RBFOX1: variants seen among roughly 807,000 people sequenced by gnomAD.
The protein encoded by RBFOX1 is RNA binding protein fox-1 homolog 1.
A neutral mutation model predicts 57.7 loss-of-function variants in RBFOX1; 8 were observed. The ratio of observed to expected loss-of-function variants is 0.14; its 90% CI spans 0.08 to 0.25. RBFOX1 has a LOEUF of 0.25. Among genes scored for constraint, RBFOX1 ranks in the 10% least tolerant of loss-of-function variants. The probability of loss-of-function intolerance (pLI) is 1.00; values close to 1 mark genes in which losing one functional copy is unlikely to be tolerated. For synonymous variants in RBFOX1, 326 were observed against 222.4 expected (o/e 1.47, Z -4.15); for missense variants, 611 against 548.5 (o/e 1.11, Z -1.14).
chr16:6,338,461 A>G (rs1311599891), intron 2 of RBFOX1, among the ~76,000 whole-genome samples: 1 of 152,238 alleles, frequency 6.6e-6, no homozygotes, highest in African/African-American at 2.4e-5. Flanking sequence ...TGAATTTTTA[A>G]TAGGCAGATG....
intron 1 of RBFOX1, among the ~76,000 whole-genome samples, chr16:6,094,269 C>T (rs916925802): frequency 3.3e-5 from 5 of 152,172 alleles, no homozygotes; most frequent in African/African-American, 4.8e-5. Context: ...TTCCCTGAGC[C>T]ACCGTTCCAA....
chr16:7,323,863 C>A (rs546899078), intron 4 of RBFOX1, among the ~76,000 whole-genome samples: 2 of 152,258 alleles, frequency 1.3e-5, no homozygotes, highest in East Asian at 3.9e-4. Flanking sequence ...ACATAATTCT[C>A]AAAAAGCAGA....
At chr16:6,297,686 C>G (rs936515692) in intron 1 of RBFOX1, among the ~76,000 whole-genome samples, 1 of 151,982 alleles carries the variant, frequency 6.6e-6, no homozygotes, top group Non-Finnish European at 1.5e-5. Flanking sequence ...CTATCCTATA[C>G]CCATATAAAC....
intron 3 of RBFOX1, among the ~76,000 whole-genome samples, chr16:5,860,451 G>T (rs1308474191): frequency 6.6e-6 from 1 of 152,106 alleles, no homozygotes; most frequent in African/African-American, 2.4e-5. Context: ...GATTCAAATT[G>T]GTTCAAGAAA....
chr16:6,477,953 T>G (rs1029320283), intron 2 of RBFOX1, among the ~76,000 whole-genome samples: 48 of 151,204 alleles, frequency 3.2e-4, no homozygotes, highest in African/African-American at 1.1e-3. Context: ...AGCTTCACAC[T>G]TTTTTTTTGT....
At chr16:6,686,777 AC>A (rs2059498259) in intron 3 of RBFOX1, among the ~76,000 whole-genome samples, 1 of 152,054 alleles carries the variant, frequency 6.6e-6, no homozygotes, top group Admixed American at 6.6e-5. Flanking sequence ...CATTACACAC[AC>A]CCAACCCAGT....
At chr16:7,058,959 C>T (rs1171832628) in intron 4 of RBFOX1, among the ~76,000 whole-genome samples, 1 of 152,166 alleles carries the variant, frequency 6.6e-6, no homozygotes, top group African/African-American at 2.4e-5. Context: ...ATACTGAAAT[C>T]ATGGTACCCG....
intron 1 of RBFOX1, among the ~76,000 whole-genome samples, chr16:5,444,037 G>C (rs1035091248): frequency 5.3e-5 from 8 of 152,088 alleles, no homozygotes; most frequent in Non-Finnish European, 1.0e-4. Flanking sequence ...GCCCATTCCA[G>C]TAAATTGGTT....
At chr16:5,942,941 C>T (rs900279679) in intron 4 of RBFOX1, among the ~76,000 whole-genome samples, 10 of 152,168 alleles carry the variant, frequency 6.6e-5, no homozygotes, top group Admixed American at 2.0e-4. Context: ...GCTGAGCCTA[C>T]ACTGTCTCGG....
chr16:7,055,876 C>G (rs919137345), intron 4 of RBFOX1, among the ~76,000 whole-genome samples: 6 of 152,152 alleles, frequency 3.9e-5, no homozygotes, highest in African/African-American at 1.4e-4. Context: ...TTTCATTACT[C>G]TCTTTCATCC....
rs1359478421 is a variant in RBFOX1, at chr16:6,098,542, C to T, written c.-127+78550C>T. ...CGCTGGAATAATTCTAAGTCAAGAG[C>T]AATTAATTATAGAAGCATTAGTCCT... On this transcript the variant is annotated intron_variant, in intron 1 of 15. Coordinates refer to ENST00000550418, the MANE Select transcript of RBFOX1 (RefSeq NM_018723.4). Among the ~76,000 whole-genome samples the T allele has an allele frequency of 2.6e-5, 4 of 152,212 alleles. No individual in the cohort carries two copies. The South Asian group carries it at 6.2e-4, about 24-fold the overall frequency.
rs12922781 is a variant in RBFOX1, at chr16:5,644,614, T to C, written c.318+45653T>C. ...CGTGTCAGGCTGGGAGACACAAGGT[T>C]GGCAATGTTGCTGATTCACAATTTT... On this transcript the variant is annotated intron_variant, in intron 3 of 19. Transcript: ENST00000641259. Among the ~76,000 whole-genome samples the C allele has an allele frequency of 1.5e-3, 230 of 152,322 alleles. 2 individuals are homozygous for C. The highest frequency in any genetic ancestry group is 3.5e-4 in the Non-Finnish European group (24 of 68,024).
At chr16:6,079,881 C>T (rs1036220968) in intron 1 of RBFOX1, among the ~76,000 whole-genome samples, 1 of 152,134 alleles carries the variant, frequency 6.6e-6, no homozygotes, top group Non-Finnish European at 1.5e-5. Flanking sequence ...TAAATAATTC[C>T]TTCCAATACA....
At chr16:7,489,823 G>A (rs1204133662) in intron 4 of RBFOX1, among the ~76,000 whole-genome samples, 1 of 151,800 alleles carries the variant, frequency 6.6e-6, no homozygotes, top group East Asian at 1.9e-4. Flanking sequence ...GCCCAGCTAA[G>A]TTATGCATAT....
chr16:5,433,104 G>C (rs928354660), intron 1 of RBFOX1, among the ~76,000 whole-genome samples: 7 of 152,186 alleles, frequency 4.6e-5, no homozygotes, highest in African/African-American at 1.7e-4. Flanking sequence ...CAACAACCCT[G>C]AGCTTCCACT....
intron 3 of RBFOX1, among the ~76,000 whole-genome samples, chr16:5,628,139 G>C (rs934411529): frequency 6.6e-6 from 1 of 152,118 alleles, no homozygotes; most frequent in African/African-American, 2.4e-5. Flanking sequence ...TTTGGTGCTG[G>C]CTCACAGTTT....
intron 4 of RBFOX1, among the ~76,000 whole-genome samples, chr16:7,374,878 A>C (rs965094341): frequency 6.6e-6 from 1 of 152,226 alleles, no homozygotes; most frequent in Non-Finnish European, 1.5e-5. Flanking sequence ...CATTCCATCC[A>C]GAAAGTGTCT....
intron 3 of RBFOX1, among the ~76,000 whole-genome samples, chr16:6,691,768 A>C (rs904160200): frequency 1.3e-5 from 2 of 152,224 alleles, no homozygotes; most frequent in African/African-American, 4.8e-5. Context: ...TAAGTTGAGG[A>C]CCTTGGATTG....
intron 3 of RBFOX1, among the ~76,000 whole-genome samples, chr16:5,835,076 G>A (rs2056416243): frequency 6.6e-6 from 1 of 152,186 alleles, no homozygotes; most frequent in Non-Finnish European, 1.5e-5. Context: ...TTTTGTGAAA[G>A]GAGGTGGGAT....
Sources: allele counts gnomAD v4.1 joint callset (sites outside exome capture counted in the v4.1 genomes callset), GRCh38; gene constraint gnomAD v4.1.1; transcripts MANE v1.5; gene names NCBI Gene and HGNC (gene_info 2026-07-23, HGNC 2026-07-21).